Variants in SYNJ2 observed in about 807,000 individuals in gnomAD.
The protein encoded by SYNJ2 is polyphosphatidylinositol phosphatase SYNJ2.
In SYNJ2, 116 loss-of-function variants were observed where a neutral mutation model predicts 141.3. The observed-to-expected ratio is 0.82, with a 90% CI of 0.71 to 0.96. The LOEUF (loss-of-function observed/expected upper bound fraction) is 0.96. Among genes scored for constraint, SYNJ2 ranks in the 40% least tolerant of loss-of-function variants. The pLI, the probability that SYNJ2 is intolerant of heterozygous loss-of-function variation, is 0.00. For synonymous variants in SYNJ2, 745 were observed against 777.7 expected (o/e 0.96, Z 0.70); for missense variants, 1,873 against 1,934.8 (o/e 0.97, Z 0.60).
At position 157,989,989 on chromosome 6, in the gene SYNJ2, G is replaced by A. The variant is rs982757691; in HGVS notation, c.127+7901G>A. 3.9e-5 allele frequency among the ~76,000 whole-genome samples: 6 copies of A among 152,220 alleles called. No homozygotes were observed. The East Asian group carries it at 5.8e-4, about 15-fold the overall frequency. The stretch of plus-strand genomic sequence containing the variant: ...GGGGCACTGGGCAGGAGCCAGCCTC[G>A]GAGCGTGAGTCTGGTGCTGCGCCAG... On this transcript the variant is annotated intron_variant, in intron 1 of 26. Coordinates refer to ENST00000355585, the MANE Select transcript of SYNJ2 (RefSeq NM_003898.4).
At chr6:158,083,304 T>C in intron 20 of SYNJ2, 125 bp from the exon 21 acceptor site, 1 of 1,225,060 alleles carries the variant, frequency 8.2e-7, no homozygotes, top group Non-Finnish European at 1.1e-6. Context: ...ACCCTTGGTT[T>C]TTCAGGGCCA....
chr6:158,093,849 C>T (rs78383930), intron 26 of SYNJ2: 12,881 of 762,146 alleles, frequency 0.017, 159 homozygotes, highest in Middle Eastern at 0.037. Flanking sequence ...CCTCAGCCTA[C>T]GAGAGGTTCC....
intron 6 of SYNJ2, among the ~76,000 whole-genome samples, chr6:158,057,973 T>A (rs1041299852): frequency 6.6e-6 from 1 of 152,252 alleles, no homozygotes; most frequent in Admixed American, 6.5e-5. Context: ...CAGGCAAGCC[T>A]AACTTCAAAC....
chr6:158,075,411 C>G (rs529477311), intron 16 of SYNJ2, among the ~76,000 whole-genome samples: 1 of 151,664 alleles, frequency 6.6e-6, no homozygotes, highest in Non-Finnish European at 1.5e-5. Context: ...GAGGCCGAGG[C>G]GTGCGGATCA....
chr6:158,047,790 A>AAAAAAAC (rs1156785075), intron 5 of SYNJ2, among the ~76,000 whole-genome samples: 4 of 147,182 alleles, frequency 2.7e-5, no homozygotes, highest in Admixed American at 6.7e-5. Context: ...AAAAAAAAAA[A>AAAAAAAC]AAAAAAAAAA....
At chr6:157,993,710 C>CTT (rs34971762) in intron 1 of SYNJ2, among the ~76,000 whole-genome samples, 1,260 of 40,536 alleles carry the variant, frequency 0.031, 138 homozygotes, top group Non-Finnish European at 0.042. Context: ...TCTTGCATAG[C>CTT]TTTTTTTTTT....
chr6:157,981,872 G>A lies in SYNJ2; in HGVS notation c.-90G>A. On this transcript the variant is annotated 5_prime_UTR_variant, in exon 1 of 27. Coordinates refer to ENST00000355585, the MANE Select transcript of SYNJ2 (RefSeq NM_003898.4). The surrounding 1 kb of genome is among the most constrained non-coding windows in gnomAD (Gnocchi z 6.4). ...AGCGGCGGCGCAAAGTGAAACTCTG[G>A]CAAGTTGCGGGCGCGCGGGGAGCTG... 2 of 1,138,364 alleles carry A rather than the reference G, an allele frequency of 1.8e-6. No homozygotes were observed. Among genetic ancestry groups the A allele is most frequent in the South Asian group, 4.4e-5 (1 of 22,644 alleles). 70.5% of individuals were successfully genotyped at this position (1,138,364 alleles called of 1,614,324 possible).
intron 15 of SYNJ2, 147 bp from the exon 16 acceptor site, chr6:158,074,433 A>G: frequency 1.3e-6 from 1 of 758,842 alleles, no homozygotes; most frequent in East Asian, 2.8e-5. Context: ...TGAGTGAAAA[A>G]CAAGATGCTC....
intron 3 of SYNJ2, among the ~76,000 whole-genome samples, chr6:158,030,074 C>T (rs116889189): frequency 6.6e-6 from 1 of 152,282 alleles, no homozygotes; most frequent in Non-Finnish European, 1.5e-5. Context: ...CAGGCAGAGG[C>T]GGCTGGATTT....
chr6:157,982,184 G>C lies in SYNJ2; in HGVS notation c.127+96G>C. On this transcript the variant is annotated intron_variant, in intron 1 of 26. Coordinates refer to ENST00000355585, the MANE Select transcript of SYNJ2 (RefSeq NM_003898.4). The surrounding 1 kb of genome is among the most constrained non-coding windows in gnomAD (Gnocchi z 4.0). ...GGTACCCCCCCTTCCCGAGGGGATC[G>C]GGCGGCGCTGGGACTGCCGGGGCGT... is the stretch of plus-strand genomic sequence containing the variant. 1 of 1,239,966 alleles carries C rather than the reference G, an allele frequency of 8.1e-7. No homozygotes were observed. 76.8% of individuals were successfully genotyped at this position (1,239,966 alleles called of 1,614,324 possible).
chr6:158,033,179 C>G (rs528890822), intron 3 of SYNJ2, among the ~76,000 whole-genome samples: 1 of 152,204 alleles, frequency 6.6e-6, no homozygotes, highest in Non-Finnish European at 1.5e-5. Flanking sequence ...TTCCATTTAG[C>G]GACAGTGACG....
chr6:158,070,494 T>A lies in SYNJ2; in HGVS notation c.1940+821T>A, dbSNP rs1781850846. ...TTGGGCAGCTTGGCAGTGTCCTAGGTTAGCAGGTGAAGGTTAGTAAAGGTT... is the reference window on the plus strand; with the variant it reads ...TTGGGCAGCTTGGCAGTGTCCTAGGATAGCAGGTGAAGGTTAGTAAAGGTT... On this transcript the variant is annotated intron_variant, in intron 14 of 26. Transcript: ENST00000355585. The surrounding 1 kb of genome is among the most constrained non-coding windows in gnomAD (Gnocchi z 4.0). 1.0e-6 allele frequency: 1 copy of A among 985,380 alleles called. No homozygotes were observed. The highest frequency in any genetic ancestry group is 1.2e-6 in the Non-Finnish European group (1 of 830,050). The allele number at this position is 985,380 out of a possible 1,614,324, so 61.0% of individuals were successfully genotyped here.
intron 21 of SYNJ2, 128 bp downstream of exon 21, chr6:158,083,725 C>G: frequency 8.1e-7 from 1 of 1,241,230 alleles, no homozygotes. Flanking sequence ...GCCCTCTGTC[C>G]CATGTGATGA....
At chr6:158,095,398 T>C (rs1470381683) in intron 26 of SYNJ2, among the ~76,000 whole-genome samples, 1 of 152,202 alleles carries the variant, frequency 6.6e-6, no homozygotes, top group Non-Finnish European at 1.5e-5. Flanking sequence ...CTCGTTTTCA[T>C]TGGACCTGCT....
chr6:158,041,870 G>A (rs771431421), intron 4 of SYNJ2, among the ~76,000 whole-genome samples: 2 of 152,168 alleles, frequency 1.3e-5, no homozygotes, highest in African/African-American at 4.8e-5. Flanking sequence ...CACCATACCC[G>A]GCTAACTTTT....
chr6:158,071,494 C>A lies in SYNJ2; in HGVS notation c.1941-108C>A. ...CTGTGTTGAGCTGATGATTTTGGAG[C>A]ACTCAGAGCAGCAGGTCCCGAGCTG... is the stretch of plus-strand genomic sequence containing the variant. On this transcript the variant is annotated intron_variant, in intron 14 of 26. Coordinates refer to ENST00000355585, the MANE Select transcript of SYNJ2 (RefSeq NM_003898.4). This position sits in a 1 kb window ranked among gnomAD's most constrained non-coding sequence, Gnocchi z 4.3. 7.8e-7 allele frequency: 1 copy of A among 1,281,168 alleles called. No homozygotes were observed. Among genetic ancestry groups the A allele is most frequent in the Non-Finnish European group, 1.1e-6 (1 of 936,746 alleles). The allele number at this position is 1,281,168 out of a possible 1,614,324, so 79.4% of individuals were successfully genotyped here. A position where few individuals can be genotyped will look rare whatever the true frequency, so the allele number is the denominator to read the frequency against.
At chr6:158,010,542 G>T (rs1303795944) in intron 1 of SYNJ2, among the ~76,000 whole-genome samples, 1 of 152,196 alleles carries the variant, frequency 6.6e-6, no homozygotes, top group Non-Finnish European at 1.5e-5. Context: ...GGTCAATGGG[G>T]CAGTCAGGCT....
At chr6:158,004,849 C>T (rs908093858) in intron 1 of SYNJ2, among the ~76,000 whole-genome samples, 2 of 152,038 alleles carry the variant, frequency 1.3e-5, no homozygotes, top group African/African-American at 4.8e-5. Context: ...CTCTTTCTCG[C>T]TGTCATTTCT....
At chr6:158,024,127 C>G (rs1778914743) in intron 2 of SYNJ2, among the ~76,000 whole-genome samples, 1 of 152,060 alleles carries the variant, frequency 6.6e-6, no homozygotes, top group Admixed American at 6.6e-5. Flanking sequence ...CTTTTTGTAT[C>G]AAATGATTAT....
Sources: gnomAD v4.1 joint callset for allele counts (sites outside exome capture counted in the v4.1 genomes callset) on GRCh38, gnomAD v4.1.1 for gene constraint, Gnocchi (gnomAD v3.1) non-coding constraint, MANE v1.5 for transcripts, NCBI Gene and HGNC (gene_info 2026-07-23, HGNC 2026-07-21) for gene names.